Variants in BTN3A2 observed in about 807,000 individuals in gnomAD.
The protein encoded by BTN3A2 is butyrophilin subfamily 3 member A2, also known as butyrophilin protein.
In BTN3A2, 25 loss-of-function variants were observed where a neutral mutation model predicts 37.6. The ratio of observed to expected loss-of-function variants is 0.66; its 90% confidence interval spans 0.48 to 0.93. BTN3A2 has a LOEUF of 0.93. Among genes scored for constraint, BTN3A2 ranks in the 40% least tolerant of loss-of-function variants. The pLI, the probability that BTN3A2 is intolerant of heterozygous loss-of-function variation, is 0.00. For missense variants in BTN3A2, 266 were observed against 410.9 expected, an observed-to-expected ratio of 0.65 and a Z score of 3.05; for synonymous variants, 122 against 159.4, an observed-to-expected ratio of 0.77 and a Z score of 1.77.
Position 26,368,008 on chromosome 6 carries a change from A to C in BTN3A2, c.-48A>C, listed in dbSNP as rs1213722951. On this transcript the variant is annotated 5_prime_UTR_variant, in exon 2 of 11. Coordinates refer to ENST00000377708, the MANE Select transcript of BTN3A2 (RefSeq NM_007047.5). ...TTTACAGATGGTTTTCCATACTGGA[A>C]CCCAAAGGTAAAGACACTCAAGGAC... The C allele has an allele frequency of 1.3e-5, 19 of 1,431,332 alleles. No homozygotes were observed. The highest frequency in any genetic ancestry group is 1.7e-5 in the Non-Finnish European group (19 of 1,085,806). The allele number at this position is 1,431,332 out of a possible 1,614,324, so 88.7% of individuals were successfully genotyped here.
chr6:26,373,977 T>G, intron 8 of BTN3A2: 1 of 222,704 alleles, frequency 4.5e-6, no homozygotes, highest in Non-Finnish European at 8.6e-6. Context: ...ATGATACAGA[T>G]TGAGAAGGAT....
Position 26,377,679 on chromosome 6 carries a change from T to G in BTN3A2, c.*1917T>G, listed in dbSNP as rs1581576459. On this transcript the variant is annotated 3_prime_UTR_variant, in exon 11 of 11. Coordinates refer to ENST00000377708, the MANE Select transcript of BTN3A2 (RefSeq NM_007047.5). ...TCAGTCCCTGGCCAATTGCCCGTTC[T>G]TTTCCAGCCTGATTTTTCCTGCATG... is the stretch of plus-strand genomic sequence containing the variant. 1.1e-5 allele frequency: 2 copies of G among 174,910 alleles called. No individual in the cohort carries two copies. Among genetic ancestry groups the G allele is most frequent in the East Asian group, 1.6e-4 (1 of 6,354 alleles). The allele number at this position is 174,910 out of a possible 1,614,324, so 10.8% of individuals were successfully genotyped here. A position where few individuals can be genotyped will look rare whatever the true frequency, so the allele number is the denominator to read the frequency against.
At chr6:26,366,029 T>C (rs187727559) in intron 1 of BTN3A2, among the ~76,000 whole-genome samples, 2 of 152,346 alleles carry the variant, frequency 1.3e-5, no homozygotes, top group Admixed American at 1.3e-4. Context: ...GGGATAGTAC[T>C]TGGTTTTCTT....
Position 26,370,531 on chromosome 6 carries a change from G to A in BTN3A2, c.643G>A (p.Gly215Arg), listed in dbSNP as rs144289111. 63 of 1,614,080 alleles carry A rather than the reference G, an allele frequency of 3.9e-5. No individual in the cohort carries two copies. Among genetic ancestry groups the A allele is most frequent in the Admixed American group, 5.0e-5 (3 of 60,002 alleles). ...ATCTGTGATCATGAGAGGCGGCTCC[G>A]GGGAGGGTGTATCCTGCATCATCAG... ...AASVIMRGGS[G>R]EGVSCIIRNS... Residue 215 changes from glycine (G) to arginine (R), a missense_variant, in exon 5 of 11, where the codon GGG becomes AGG. Around this residue, in one of 3 missense-constraint regions of BTN3A2, gnomAD observed 204 missense variants for 232.6 expected, o/e 0.88. Transcript: ENST00000377708.
intron 8 of BTN3A2, chr6:26,373,959 G>A: frequency 4.9e-6 from 1 of 202,030 alleles, no homozygotes; most frequent in Non-Finnish European, 9.7e-6. Context: ...TTTAGAGCAA[G>A]GTACGAAATG....
rs55949951 is a variant in BTN3A2, at chr6:26,365,474, C to CTGTGTGTGTG, written c.-67+156_-67+165dup. 2.5e-3 allele frequency: 1,374 copies of CTGTGTGTGTG among 550,760 alleles called. 4 individuals carry two copies. The highest frequency in any genetic ancestry group is 9.3e-3 in the African/African-American group (449 of 48,280). The allele number at this position is 550,760 out of a possible 1,614,324, so 34.1% of individuals were successfully genotyped here. A position where few individuals can be genotyped will look rare whatever the true frequency, so the allele number is the denominator to read the frequency against. On this transcript the variant is annotated intron_variant, in intron 1 of 10. Transcript: ENST00000377708. ...TCTCCCAGAGAAAGGGGTGCAGTGC[C>CTGTGTGTGTG]TGTGTGTGTGTGTGTGTGTGTGTGT... is the stretch of plus-strand genomic sequence containing the variant.
chr6:26,367,848 C>T (rs1581536851), intron 1 of BTN3A2, 142 bp from the exon 2 acceptor site: 1 of 301,392 alleles, frequency 3.3e-6, no homozygotes, highest in Non-Finnish European at 6.1e-6. Flanking sequence ...TGAAGAGGGT[C>T]CTTCATGAAT....
rs1693693094 is a variant in BTN3A2 at position 26,376,664 on chromosome 6, C to T, written c.*902C>T. 8.6e-6 allele frequency: 13 copies of T among 1,511,398 alleles called. No individual in the cohort carries two copies. Among genetic ancestry groups the T allele is most frequent in the East Asian group, 2.3e-5 (1 of 44,204 alleles). 93.6% of individuals were successfully genotyped at this position (1,511,398 alleles called of 1,614,324 possible). On this transcript the variant is annotated 3_prime_UTR_variant, in exon 11 of 11. Transcript: ENST00000377708. ...TACAGCGTGCTGAGGAGCCCCATGA[C>T]CTACCAGACAACCCTGAGAGATTTG...
At chr6:26,375,769 G>C in intron 10 of BTN3A2, 28 bp from the exon 11 acceptor site, 1 of 1,549,840 alleles carries the variant, frequency 6.5e-7, no homozygotes, top group African/African-American at 1.4e-5. Context: ...CAGCGCTAGA[G>C]ATTCATATGT....
intron 8 of BTN3A2, chr6:26,373,692 A>C: frequency 5.7e-6 from 2 of 350,382 alleles, no homozygotes. Flanking sequence ...TACACTTCAA[A>C]AGGAAGAGGG....
intron 5 of BTN3A2, 47 bp from the exon 6 acceptor site, chr6:26,372,849 GA>G: frequency 6.2e-7 from 1 of 1,608,014 alleles, no homozygotes; most frequent in Non-Finnish European, 8.5e-7. Context: ...GCAGGCTGGG[GA>G]GGCTGAGCGC....
In BTN3A2 at chr6:26,378,176, A is replaced by G. The variant is rs1191363320; in HGVS notation, c.*2414A>G. 2 of 152,192 alleles carry G rather than the reference A, an allele frequency of 1.3e-5. No individual in the cohort carries two copies. The highest frequency in any genetic ancestry group is 1.9e-4 in the East Asian group (1 of 5,206). 9.4% of individuals were successfully genotyped at this position (152,192 alleles called of 1,614,324 possible). A position where few individuals can be genotyped will look rare whatever the true frequency, so the allele number is the denominator to read the frequency against. On this transcript the variant is annotated 3_prime_UTR_variant, in exon 11 of 11. Transcript: ENST00000377708. Reference sequence around the variant, plus strand: ...CTGGTCATTGGTGGATGTTAAACCCATATTCCTTTCAACTGCTGCCTGCTA... The same window carrying G: ...CTGGTCATTGGTGGATGTTAAACCCGTATTCCTTTCAACTGCTGCCTGCTA...
chr6:26,368,536 C>T (rs779251998), intron 3 of BTN3A2, 29 bp from the exon 4 acceptor site: 2 of 1,613,828 alleles, frequency 1.2e-6, no homozygotes, highest in African/African-American at 2.7e-5. Flanking sequence ...CCAAAACCCT[C>T]TGATGGAGCT....
intron 5 of BTN3A2, among the ~76,000 whole-genome samples, chr6:26,372,249 A>G (rs566388688): frequency 2.0e-5 from 3 of 152,336 alleles, no homozygotes; most frequent in Admixed American, 6.5e-5. Context: ...TTAGTTCTCA[A>G]TTGGGTTAGT....
At chr6:26,366,443 A>G (rs1032799786) in intron 1 of BTN3A2, among the ~76,000 whole-genome samples, 1 of 152,228 alleles carries the variant, frequency 6.6e-6, no homozygotes, top group African/African-American at 2.4e-5. Flanking sequence ...AAAGTATATA[A>G]CTACAGAGTA....
intron 1 of BTN3A2, 22 bp downstream of exon 1, chr6:26,365,374 G>A: frequency 6.5e-7 from 1 of 1,536,138 alleles, no homozygotes; most frequent in South Asian, 1.2e-5. Context: ...AAATTGATTA[G>A]AGCCTGGGCT....
At position 26,370,302 on chromosome 6, in the gene BTN3A2, G is replaced by T. The variant is rs1236725508; in HGVS notation, c.434-20G>T. ...AATACAGGAGCTATCCAGAATTTAG[G>T]CCAAATTATCCTTCCACAGCACTGG... is the stretch of plus-strand genomic sequence containing the variant. On this transcript the variant is annotated intron_variant, in intron 4 of 10. Coordinates refer to ENST00000377708, the MANE Select transcript of BTN3A2 (RefSeq NM_007047.5). The T allele has an allele frequency of 6.2e-7, 1 of 1,611,942 alleles. No individual in the cohort carries two copies. The highest frequency in any genetic ancestry group is 2.2e-5 in the East Asian group (1 of 44,842).
intron 4 of BTN3A2, among the ~76,000 whole-genome samples, chr6:26,369,151 T>C (rs563889467): frequency 6.6e-6 from 1 of 152,298 alleles, no homozygotes; most frequent in South Asian, 2.1e-4. Flanking sequence ...ACCAGAGATA[T>C]AAGCGAAGTG....
chr6:26,368,427 G>A (rs1759744922), intron 3 of BTN3A2, 138 bp from the exon 4 acceptor site: 2 of 1,535,574 alleles, frequency 1.3e-6, no homozygotes, highest in South Asian at 1.2e-5. Flanking sequence ...CTGTCACAAA[G>A]AGACAAATGG....
Sources: gnomAD v4.1 joint callset for allele counts (sites outside exome capture counted in the v4.1 genomes callset) on GRCh38, gnomAD v4.1.1 for gene constraint, gnomAD v4.1.1 regional missense constraint, MANE v1.5 for transcripts, NCBI Gene and HGNC (gene_info 2026-07-23, HGNC 2026-07-21) for gene names.